Variants in DOCK4 observed in about 807,000 individuals in gnomAD.
The protein encoded by DOCK4 is dedicator of cytokinesis protein 4.
Under a neutral mutation model 268.1 loss-of-function variants are expected in DOCK4, and 97 were observed. The observed-to-expected ratio is 0.36, with a 90% CI of 0.31 to 0.43. DOCK4 has a LOEUF of 0.43. DOCK4 is among the 20% of genes least tolerant of loss of function. The pLI, the probability that DOCK4 is intolerant of heterozygous loss-of-function variation, is 1.00. For missense variants in DOCK4, 2,145 were observed against 2,455.7 expected, an observed-to-expected ratio of 0.87 and a Z score of 2.67; for synonymous variants, 954 against 887.2, an observed-to-expected ratio of 1.08 and a Z score of -1.34.
intron 8 of DOCK4, among the ~76,000 whole-genome samples, chr7:111,961,345 A>C (rs1796876676): frequency 6.6e-6 from 1 of 152,162 alleles, no homozygotes; most frequent in Non-Finnish European, 1.5e-5. Context: ...CCGTTGCTTC[A>C]GGATTCAACT....
At chr7:111,987,638 T>C (rs1222112225) in intron 6 of DOCK4, among the ~76,000 whole-genome samples, 1 of 152,132 alleles carries the variant, frequency 6.6e-6, no homozygotes, top group Non-Finnish European at 1.5e-5. Context: ...GTCTAATCTG[T>C]TAGGAGGTGC....
chr7:112,064,907 G>A (rs1391600978), intron 1 of DOCK4, among the ~76,000 whole-genome samples: 1 of 152,238 alleles, frequency 6.6e-6, no homozygotes, highest in Non-Finnish European at 1.5e-5. Flanking sequence ...AGAGAAGACA[G>A]CCATTGGTAA....
intron 5 of DOCK4, among the ~76,000 whole-genome samples, chr7:111,989,823 C>A (rs59171363): frequency 0.035 from 5,332 of 152,250 alleles, 180 homozygotes; most frequent in East Asian, 0.15. Flanking sequence ...AAGTTAAAAT[C>A]CTGGTTTTGT....
intron 49 of DOCK4, 40 bp from the exon 50 acceptor site, chr7:111,737,029 C>G (rs189055113): frequency 6.5e-7 from 1 of 1,545,838 alleles, no homozygotes; most frequent in Non-Finnish European, 8.8e-7. Context: ...ATGTGATATA[C>G]GGGCATGTGA....
chr7:111,983,848 G>GCA (rs1474805817), intron 7 of DOCK4, among the ~76,000 whole-genome samples: 1 of 56,194 alleles, frequency 1.8e-5, no homozygotes, highest in Admixed American at 1.7e-4. Context: ...ACACACACGC[G>GCA]CGCGCGCGCG....
intron 16 of DOCK4, among the ~76,000 whole-genome samples, chr7:111,894,356 C>T (rs1038378622): frequency 3.9e-5 from 6 of 152,196 alleles, no homozygotes; most frequent in African/African-American, 1.4e-4. Flanking sequence ...ACATCTATCA[C>T]AGGCCAGAAT....
intron 23 of DOCK4, among the ~76,000 whole-genome samples, chr7:111,853,309 C>T (rs963516834): frequency 3.3e-5 from 5 of 152,274 alleles, no homozygotes; most frequent in African/African-American, 9.6e-5. Context: ...ACAAACTGGG[C>T]TCTAGCATGG....
chr7:111,871,638 C>G (rs1449772639), intron 20 of DOCK4, among the ~76,000 whole-genome samples: 1 of 152,166 alleles, frequency 6.6e-6, no homozygotes, highest in Non-Finnish European at 1.5e-5. Flanking sequence ...TTCTTATGAA[C>G]ATTTATAATC....
In DOCK4 at chr7:111,872,362, A is replaced by G; in HGVS notation, c.1843-10T>C. 6.5e-7 allele frequency: 1 copy of G among 1,542,240 alleles called. No homozygotes were observed. The highest frequency in any genetic ancestry group is 8.7e-7 in the Non-Finnish European group (1 of 1,143,048). Reference sequence around the variant, plus strand: ...GTGTATCCTGCAGAAACTGTTAGATAAAGAAGTAGCAAATGAGTAAATAAG... The same window carrying G: ...GTGTATCCTGCAGAAACTGTTAGATGAAGAAGTAGCAAATGAGTAAATAAG... On this transcript the variant is annotated splice_polypyrimidine_tract_variant and intron_variant, in intron 18 of 52. Coordinates refer to ENST00000428084, the MANE Select transcript of DOCK4 (RefSeq NM_001363540.2).
chr7:112,084,826 C>A (rs577420217), intron 1 of DOCK4, among the ~76,000 whole-genome samples: 40 of 152,134 alleles, frequency 2.6e-4, no homozygotes, highest in African/African-American at 8.4e-4. Flanking sequence ...TCCCGTGTGA[C>A]CGGCTTTCTG....
intron 3 of DOCK4, among the ~76,000 whole-genome samples, chr7:111,999,089 T>C (rs1163577229): frequency 6.6e-6 from 1 of 152,084 alleles, no homozygotes; most frequent in Admixed American, 6.6e-5. Flanking sequence ...CTTTTTATTG[T>C]AGGAAATGAC....
rs116625497 is a variant in DOCK4, at chr7:112,129,279, T to C, written c.37+76823A>G. Reference sequence around the variant, plus strand: ...CCCAAGGCATTATCTCAAAAGGTTATATATAGTATAATTCCATTTATATAA... The same window carrying C: ...CCCAAGGCATTATCTCAAAAGGTTACATATAGTATAATTCCATTTATATAA... On this transcript the variant is annotated intron_variant, in intron 1 of 52. Coordinates refer to ENST00000428084, the MANE Select transcript of DOCK4 (RefSeq NM_001363540.2). 2.0e-3 allele frequency among the ~76,000 whole-genome samples: 306 copies of C among 152,318 alleles called. 1 individual carries two copies. The highest frequency in any genetic ancestry group is 6.8e-3 in the African/African-American group (282 of 41,578).
intron 16 of DOCK4, among the ~76,000 whole-genome samples, chr7:111,882,599 G>A (rs564989153): frequency 1.4e-4 from 21 of 152,216 alleles, no homozygotes; most frequent in Non-Finnish European, 2.9e-4. Flanking sequence ...AGACTATTAT[G>A]TGTGACTCAC....
intron 12 of DOCK4, among the ~76,000 whole-genome samples, chr7:111,922,771 C>T (rs569663724): frequency 1.8e-4 from 27 of 151,990 alleles, no homozygotes; most frequent in Admixed American, 5.2e-4. Flanking sequence ...TTAGTAGAGA[C>T]GGGGTTTCAC....
chr7:112,115,075 A>T (rs1303941893), intron 1 of DOCK4, among the ~76,000 whole-genome samples: 1 of 152,124 alleles, frequency 6.6e-6, no homozygotes, highest in South Asian at 2.1e-4. Flanking sequence ...TATCTAGTCA[A>T]GCAGAATTTG....
intron 13 of DOCK4, among the ~76,000 whole-genome samples, chr7:111,909,361 C>T (rs1395795864): frequency 6.6e-6 from 1 of 152,158 alleles, no homozygotes; most frequent in Admixed American, 6.5e-5. Context: ...CTTTCTTAAA[C>T]ATAAGACAAA....
chr7:111,950,266 A>G (rs1795953063), intron 8 of DOCK4, among the ~76,000 whole-genome samples: 1 of 152,198 alleles, frequency 6.6e-6, no homozygotes, highest in African/African-American at 2.4e-5. Context: ...AAATTCTCCA[A>G]ATATTTTGTG....
intron 51 of DOCK4, 24 bp downstream of exon 51, chr7:111,735,030 C>A (rs1273830649): frequency 2.0e-6 from 3 of 1,507,526 alleles, no homozygotes; most frequent in African/African-American, 1.4e-5. Flanking sequence ...TAAAAGTGAT[C>A]ATTCAAATTC....
At chr7:111,741,722 A>G in intron 45 of DOCK4, 61 bp from the exon 46 acceptor site, 3 of 1,577,854 alleles carry the variant, frequency 1.9e-6, no homozygotes, top group African/African-American at 1.3e-5. Flanking sequence ...ATAACTTATG[A>G]GACAGGTTAG....
Sources: gnomAD v4.1 joint callset for allele counts (sites outside exome capture counted in the v4.1 genomes callset) on GRCh38, gnomAD v4.1.1 for gene constraint, MANE v1.5 for transcripts, NCBI Gene and HGNC (gene_info 2026-07-23, HGNC 2026-07-21) for gene names.